SLC9A9: variants seen among roughly 807,000 people sequenced by gnomAD.
SLC9A9 encodes sodium/hydrogen exchanger 9.
A neutral mutation model predicts 77.8 loss-of-function variants in SLC9A9; 62 were observed. That is an observed-to-expected ratio of 0.80 (90% CI 0.65 to 0.98). The LOEUF is 0.98. Among genes scored for constraint, SLC9A9 ranks in the 50% least tolerant of loss-of-function variants. The pLI is 0.00. For missense variants in SLC9A9, 775 were observed against 774.9 expected, an observed-to-expected ratio of 1.00 and a Z score of 0.00; for synonymous variants, 320 against 283.5, an observed-to-expected ratio of 1.13 and a Z score of -1.29.
Position 143,832,076 on chromosome 3 carries a change from T to C in SLC9A9, c.321A>G (p.Lys107=). 1 of 1,613,174 alleles carries C rather than the reference T, an allele frequency of 6.2e-7. No homozygotes were observed. Among genetic ancestry groups the C allele is most frequent in the Non-Finnish European group, 8.5e-7 (1 of 1,179,510 alleles). ...ITDQVYEYKY[K]REISQHNINP... The stretch of plus-strand genomic sequence containing the variant: ...TGATGTTGTGCTGACTTATTTCTCT[T>C]TTGTATTTATATTCATAAACTTGGT... Residue 107 remains lysine, a synonymous_variant, in exon 2 of 16, where the codon AAA becomes AAG. Coordinates refer to ENST00000316549, the MANE Select transcript of SLC9A9 (RefSeq NM_173653.4).
intron 4 of SLC9A9, among the ~76,000 whole-genome samples, chr3:143,784,195 A>G (rs1310348911): frequency 2.0e-5 from 3 of 152,234 alleles, no homozygotes; most frequent in Admixed American, 2.0e-4. Flanking sequence ...CCAGCTGAGC[A>G]GGGGTCAAGT....
At chr3:143,562,309 T>A (rs751099135) in intron 8 of SLC9A9, among the ~76,000 whole-genome samples, 1 of 152,144 alleles carries the variant, frequency 6.6e-6, no homozygotes, top group Non-Finnish European at 1.5e-5. Flanking sequence ...AGGAATGTTT[T>A]CCTGAAAGTG....
intron 4 of SLC9A9, among the ~76,000 whole-genome samples, chr3:143,704,554 C>A (rs1933904577): frequency 6.6e-6 from 1 of 152,108 alleles, no homozygotes; most frequent in Non-Finnish European, 1.5e-5. Flanking sequence ...AACTAAAAAA[C>A]CAGCAATTTC....
intron 4 of SLC9A9, among the ~76,000 whole-genome samples, chr3:143,693,827 C>T (rs541888127): frequency 3.3e-5 from 5 of 152,114 alleles, no homozygotes; most frequent in Non-Finnish European, 7.3e-5. Flanking sequence ...CACTTCCACA[C>T]TGGGTAGAGA....
chr3:143,275,664 AGTTT>A (rs1938024781), intron 14 of SLC9A9, among the ~76,000 whole-genome samples: 3 of 151,628 alleles, frequency 2.0e-5, no homozygotes, highest in South Asian at 4.2e-4. Flanking sequence ...CTATTTCTAG[AGTTT>A]GTTTTTCTAA....
intron 6 of SLC9A9, among the ~76,000 whole-genome samples, chr3:143,593,601 T>C (rs1159493805): frequency 1.3e-5 from 2 of 152,158 alleles, no homozygotes; most frequent in Non-Finnish European, 2.9e-5. Flanking sequence ...GAGAGTGTCA[T>C]TTACATAAAT....
intron 12 of SLC9A9, among the ~76,000 whole-genome samples, chr3:143,423,352 C>T (rs776510334): frequency 2.0e-5 from 3 of 151,592 alleles, no homozygotes; most frequent in Non-Finnish European, 4.4e-5. Context: ...CACCTAGCAC[C>T]ATATCTTGGC....
chr3:143,375,909 C>G (rs868775892), intron 13 of SLC9A9, among the ~76,000 whole-genome samples: 20 of 152,208 alleles, frequency 1.3e-4, no homozygotes, highest in Non-Finnish European at 2.9e-4. Flanking sequence ...AACAGGTAGG[C>G]ATGTTCCTGC....
At chr3:143,355,716 A>G (rs550662042) in intron 14 of SLC9A9, among the ~76,000 whole-genome samples, 4 of 152,246 alleles carry the variant, frequency 2.6e-5, no homozygotes, top group South Asian at 2.1e-4. Flanking sequence ...TTACAGGTGC[A>G]TCGCAAGTGC....
intron 14 of SLC9A9, among the ~76,000 whole-genome samples, chr3:143,270,044 C>G (rs17720218): frequency 0.039 from 5,998 of 152,216 alleles, 128 homozygotes; most frequent in Non-Finnish European, 0.051. Context: ...TATTTGTCAC[C>G]AAAGCAGGCC....
chr3:143,589,082 C>T (rs1227738083), intron 6 of SLC9A9, among the ~76,000 whole-genome samples: 1 of 152,134 alleles, frequency 6.6e-6, no homozygotes, highest in Non-Finnish European at 1.5e-5. Context: ...TATTAATCCC[C>T]ACGGTTGAAA....
intron 12 of SLC9A9, among the ~76,000 whole-genome samples, chr3:143,403,749 AC>A (rs1277821907): frequency 6.6e-6 from 1 of 152,190 alleles, no homozygotes; most frequent in Non-Finnish European, 1.5e-5. Flanking sequence ...CTCTTATTGC[AC>A]CCAAGATTTT....
chr3:143,691,419 C>T (rs1204542604), intron 5 of SLC9A9, among the ~76,000 whole-genome samples: 1 of 152,028 alleles, frequency 6.6e-6, no homozygotes, highest in African/African-American at 2.4e-5. Flanking sequence ...GACCCACATT[C>T]GAGAGCTGGC....
chr3:143,577,853 C>T (rs1035705066), intron 7 of SLC9A9, among the ~76,000 whole-genome samples: 2 of 152,186 alleles, frequency 1.3e-5, no homozygotes, highest in Admixed American at 1.3e-4. Flanking sequence ...TGTGGCTCCA[C>T]CTAACCCTTA....
At chr3:143,283,094 C>T (rs1330079194) in intron 14 of SLC9A9, among the ~76,000 whole-genome samples, 3 of 152,204 alleles carry the variant, frequency 2.0e-5, no homozygotes. Context: ...TCCACAAATG[C>T]TTAATGCCCA....
At chr3:143,797,644 A>G (rs906241786) in intron 2 of SLC9A9, among the ~76,000 whole-genome samples, 1 of 151,718 alleles carries the variant, frequency 6.6e-6, no homozygotes, top group Non-Finnish European at 1.5e-5. Flanking sequence ...AGAAGTGAAA[A>G]TGGCCTGTTC....
chr3:143,670,889 A>C (rs147692651), intron 5 of SLC9A9, among the ~76,000 whole-genome samples: 2 of 152,138 alleles, frequency 1.3e-5, no homozygotes, highest in Admixed American at 1.3e-4. Flanking sequence ...AATAAAATCA[A>C]TTATAAAGTG....
rs565684026 is a variant in SLC9A9 at position 143,740,240 on chromosome 3, T to TGAGA, written c.534-46937_534-46934dup. ...AGCATTGCTACTTTAGACAAAAAAA[T>TGAGA]GAGAGAGAGAGATATATATATAGCC... is the stretch of plus-strand genomic sequence containing the variant. On this transcript the variant is annotated intron_variant, in intron 4 of 15. Transcript: ENST00000316549. 9.7e-4 allele frequency among the ~76,000 whole-genome samples: 147 copies of TGAGA among 151,930 alleles called. 1 individual carries two copies. The highest frequency in any genetic ancestry group is 3.4e-3 in the Middle Eastern group (1 of 292).
At chr3:143,541,163 GGCAGAAATGACA>G (rs1220257768) in intron 9 of SLC9A9, among the ~76,000 whole-genome samples, 2 of 152,170 alleles carry the variant, frequency 1.3e-5, no homozygotes, top group Non-Finnish European at 2.9e-5. Flanking sequence ...AATAGAATAT[GGCAGAAATGACA>G]GTAAACAACT....
Sources: gnomAD v4.1 joint callset for allele counts (sites outside exome capture counted in the v4.1 genomes callset) on GRCh38, gnomAD v4.1.1 for gene constraint, MANE v1.5 for transcripts, NCBI Gene and HGNC (gene_info 2026-07-23, HGNC 2026-07-21) for gene names.